Variants in ITFG1 observed in about 807,000 individuals in gnomAD.
ITFG1 encodes the protein integrin alpha FG-GAP repeat containing 1.
In ITFG1, 34 loss-of-function variants were observed where a neutral mutation model predicts 81.8. The observed-to-expected ratio is 0.42, with a 90% confidence interval of 0.32 to 0.55. The LOEUF (loss-of-function observed/expected upper bound fraction) is 0.55, where lower values mean the gene tolerates loss of function less well. ITFG1 is among the 20% of genes least tolerant of loss of function. The probability of loss-of-function intolerance (pLI) is 0.17; values close to 1 mark genes in which losing one functional copy is unlikely to be tolerated. For missense variants in ITFG1, 672 were observed against 755.4 expected, an observed-to-expected ratio of 0.89 and a Z score of 1.29; for synonymous variants, 285 against 270.6, an observed-to-expected ratio of 1.05 and a Z score of -0.52.
At chr16:47,380,339 T>C (rs1003373427) in intron 6 of ITFG1, among the ~76,000 whole-genome samples, 11 of 152,190 alleles carry the variant, frequency 7.2e-5, no homozygotes, top group South Asian at 2.1e-4. Flanking sequence ...CTTTCCTGTT[T>C]GATGATGATG....
chr16:47,297,290 T>C (rs1044926190), intron 10 of ITFG1, among the ~76,000 whole-genome samples: 12 of 152,190 alleles, frequency 7.9e-5, no homozygotes, highest in Non-Finnish European at 1.5e-5. Flanking sequence ...TTCCAACTCC[T>C]TTACCCACAG....
chr16:47,270,444 T>C (rs917314482), intron 10 of ITFG1, among the ~76,000 whole-genome samples: 1 of 152,154 alleles, frequency 6.6e-6, no homozygotes, highest in African/African-American at 2.4e-5. Flanking sequence ...ACAGATAAAA[T>C]TAAAAAGACC....
At chr16:47,267,921 C>T (rs1170670493) in intron 10 of ITFG1, among the ~76,000 whole-genome samples, 1 of 151,832 alleles carries the variant, frequency 6.6e-6, no homozygotes, top group Non-Finnish European at 1.5e-5. Context: ...TCATTAAACA[C>T]CTATAGTAGA....
At chr16:47,350,094 T>C (rs1967927927) in intron 8 of ITFG1, among the ~76,000 whole-genome samples, 1 of 152,164 alleles carries the variant, frequency 6.6e-6, no homozygotes, top group African/African-American at 2.4e-5. Flanking sequence ...TAGCACTAAA[T>C]GCCCACAAGA....
chr16:47,199,964 G>A lies in ITFG1; in HGVS notation c.1453+18904C>T, dbSNP rs117030027. Among the ~76,000 whole-genome samples the A allele has an allele frequency of 6.7e-3, 1,009 of 151,522 alleles. 6 individuals are homozygous for A. Among genetic ancestry groups the A allele is most frequent in the Non-Finnish European group, 0.011 (751 of 67,868 alleles). ...TGCACTCCTATCAGAATCTTATGCC[G>A]CCACTGATCTGACAGGAGGTGGAGC... is the stretch of plus-strand genomic sequence containing the variant. On this transcript the variant is annotated intron_variant, in intron 14 of 17. Coordinates refer to ENST00000320640, the MANE Select transcript of ITFG1 (RefSeq NM_030790.5).
intron 10 of ITFG1, among the ~76,000 whole-genome samples, chr16:47,282,612 T>C (rs1484471080): frequency 7.9e-5 from 12 of 152,258 alleles, no homozygotes; most frequent in Admixed American, 5.9e-4. Flanking sequence ...AAGTACCCAG[T>C]AGTAGGATTG....
chr16:47,161,574 T>G, intron 16 of ITFG1, 176 bp downstream of exon 16: 1 of 425,264 alleles, frequency 2.4e-6, no homozygotes. Context: ...TCATGAAAAA[T>G]GTCTGGGACC....
chr16:47,351,913 T>C (rs1022216418), intron 8 of ITFG1, among the ~76,000 whole-genome samples: 2 of 152,088 alleles, frequency 1.3e-5, no homozygotes, highest in Non-Finnish European at 2.9e-5. Context: ...ACCACACATC[T>C]ACAACTATCT....
At chr16:47,174,896 C>G (rs1227513638) in intron 14 of ITFG1, among the ~76,000 whole-genome samples, 1 of 152,022 alleles carries the variant, frequency 6.6e-6, no homozygotes, top group Non-Finnish European at 1.5e-5. Flanking sequence ...TGCCCTGAGT[C>G]AAGGAAAAAT....
chr16:47,352,395 G>A (rs533590399), intron 8 of ITFG1, among the ~76,000 whole-genome samples: 11 of 152,140 alleles, frequency 7.2e-5, no homozygotes, highest in African/African-American at 7.2e-5. Context: ...AAAAGTGGGC[G>A]AAGGATATGA....
At chr16:47,409,590 AT>A (rs974428641) in intron 6 of ITFG1, among the ~76,000 whole-genome samples, 7 of 145,060 alleles carry the variant, frequency 4.8e-5, no homozygotes, top group South Asian at 2.2e-4. Context: ...TAATTTTTGT[AT>A]TTTTTTTTGT....
chr16:47,334,448 T>C lies in ITFG1; in HGVS notation c.803-20625A>G, dbSNP rs932209240. Among the ~76,000 whole-genome samples, 7 of 152,090 alleles carry C rather than the reference T, an allele frequency of 4.6e-5. No homozygotes were observed. In the East Asian group the frequency reaches 1.2e-3, roughly 25 times the overall value. On this transcript the variant is annotated intron_variant, in intron 8 of 17. Coordinates refer to ENST00000320640, the MANE Select transcript of ITFG1 (RefSeq NM_030790.5). ...TCTTAAAAAAGAATAAAAAAGAAAA[T>C]ACATTTTATTCTATATTAAACAAAC...
chr16:47,327,300 C>T (rs1330774540), intron 8 of ITFG1, among the ~76,000 whole-genome samples: 2 of 152,160 alleles, frequency 1.3e-5, no homozygotes, highest in Admixed American at 6.5e-5. Context: ...GGATCCCTTC[C>T]TTACACCTTA....
chr16:47,214,750 A>G (rs567975007), intron 14 of ITFG1, among the ~76,000 whole-genome samples: 2 of 152,320 alleles, frequency 1.3e-5, no homozygotes, highest in Admixed American at 1.3e-4. Flanking sequence ...ACTGCAGAGT[A>G]ATGGGTAAGA....
At chr16:47,225,273 A>G in intron 13 of ITFG1, among the ~76,000 whole-genome samples, 1 of 152,164 alleles carries the variant, frequency 6.6e-6, no homozygotes, top group East Asian at 1.9e-4. Context: ...TAAAAAAAAA[A>G]TGAACAGAGC....
intron 12 of ITFG1, among the ~76,000 whole-genome samples, chr16:47,243,924 G>A (rs1010116429): frequency 1.3e-5 from 2 of 152,150 alleles, no homozygotes; most frequent in Admixed American, 6.5e-5. Context: ...CTAGCTACTC[G>A]GGAGGCTGGG....
intron 10 of ITFG1, chr16:47,263,414 C>A: frequency 2.2e-6 from 1 of 455,818 alleles, no homozygotes; most frequent in Non-Finnish European, 4.5e-6. Context: ...TGCTGCTAAC[C>A]TCTACCATGT....
intron 6 of ITFG1, among the ~76,000 whole-genome samples, chr16:47,388,014 A>G (rs1214519354): frequency 1.3e-5 from 2 of 152,176 alleles, no homozygotes; most frequent in African/African-American, 4.8e-5. Context: ...GACAGAAATG[A>G]TAAAAAACCA....
At chr16:47,318,383 C>G (rs562905477) in intron 8 of ITFG1, among the ~76,000 whole-genome samples, 16 of 152,068 alleles carry the variant, frequency 1.1e-4, no homozygotes, top group Non-Finnish European at 1.8e-4. Context: ...GTAACTGATT[C>G]TCTATTGATA....
Sources: gnomAD v4.1 joint callset for allele counts (sites outside exome capture counted in the v4.1 genomes callset) on GRCh38, gnomAD v4.1.1 for gene constraint, MANE v1.5 for transcripts, NCBI Gene and HGNC (gene_info 2026-07-23, HGNC 2026-07-21) for gene names.